Variants in CYFIP2 observed in about 807,000 individuals in gnomAD.
CYFIP2 encodes cytoplasmic FMR1 interacting protein 2.
In CYFIP2, 29 loss-of-function variants were observed where a neutral mutation model predicts 158.7. The ratio of observed to expected loss-of-function variants is 0.18; its 90% CI spans 0.14 to 0.25. The LOEUF (loss-of-function observed/expected upper bound fraction) is 0.25, where lower values mean the gene tolerates loss of function less well. Ranked by LOEUF, CYFIP2 falls within the 10% of genes least tolerant of loss-of-function variation. The probability of loss-of-function intolerance (pLI) is 1.00; values close to 1 mark genes in which losing one functional copy is unlikely to be tolerated. For synonymous variants in CYFIP2, 585 were observed against 617.6 expected (o/e 0.95, Z 0.78); for missense variants, 852 against 1,639.5 (o/e 0.52, Z 8.29).
chr5:157,312,510 G>A (rs907535047), intron 11 of CYFIP2, among the ~76,000 whole-genome samples: 1 of 152,102 alleles, frequency 6.6e-6, no homozygotes, highest in Admixed American at 6.5e-5. Context: ...TGAATATGCT[G>A]TTTGATAAAC....
chr5:157,336,000 G>A (rs1326180287), intron 21 of CYFIP2, among the ~76,000 whole-genome samples: 5 of 152,138 alleles, frequency 3.3e-5, no homozygotes. Context: ...CGAGGGCAGT[G>A]GCTCCCCAGA....
In CYFIP2 at chr5:157,392,934, T is replaced by C; in HGVS notation, c.3696T>C (p.Ser1232=). ...ACATGAAGTCCGTGGAGACAGACAG[T>C]TCCACTGTGGAGCATGTGCGCTGCT... ...NKYMKSVETD[S]STVEHVRCFQ... Residue 1232 remains serine, a synonymous_variant, in exon 31 of 31, where the codon AGT becomes AGC. Coordinates refer to ENST00000620254, the MANE Select transcript of CYFIP2 (RefSeq NM_001037333.3). The C allele has an allele frequency of 6.2e-7, 1 of 1,613,954 alleles. No individual in the cohort carries two copies. The highest frequency in any genetic ancestry group is 8.5e-7 in the Non-Finnish European group (1 of 1,179,876).
At chr5:157,304,616 C>T (rs1759061725) in intron 8 of CYFIP2, 1 of 353,874 alleles carries the variant, frequency 2.8e-6, no homozygotes, top group East Asian at 4.6e-5. Context: ...TGTATTGGAA[C>T]ATTGTCATGT....
rs568901002 is a variant in CYFIP2, at chr5:157,319,676, C to T, written c.1357-86C>T. 7.4e-5 allele frequency: 112 copies of T among 1,517,436 alleles called. 2 individuals carry two copies. The South Asian group carries it at 9.6e-4, about 13-fold the overall frequency. 94.0% of individuals were successfully genotyped at this position (1,517,436 alleles called of 1,614,324 possible). On this transcript the variant is annotated intron_variant, in intron 13 of 30. Transcript: ENST00000620254. ...TCATGCCTCTGGACATCTCACTCCC[C>T]GCCTCCCCTGGCAGGGCGGTGATGG...
chr5:157,319,982 C>A, intron 14 of CYFIP2, 54 bp downstream of exon 14: 1 of 1,585,452 alleles, frequency 6.3e-7, no homozygotes, highest in South Asian at 1.1e-5. Context: ...GCCAGGTACC[C>A]ATCAGAGAGG....
chr5:157,271,268 T>C (rs970960597), intron 1 of CYFIP2: 1 of 152,270 alleles, frequency 6.6e-6, no homozygotes, highest in African/African-American at 2.4e-5. Flanking sequence ...GTCTGCATGA[T>C]CCTTAACACA....
chr5:157,269,098 C>A (rs1755861195), intron 1 of CYFIP2, among the ~76,000 whole-genome samples: 1 of 152,096 alleles, frequency 6.6e-6, no homozygotes, highest in Admixed American at 6.6e-5. Context: ...AGCCCCTCTC[C>A]CTCCAGAGCT....
intron 11 of CYFIP2, among the ~76,000 whole-genome samples, chr5:157,313,925 T>G (rs565629467): frequency 1.3e-5 from 2 of 152,270 alleles, no homozygotes; most frequent in East Asian, 1.9e-4. Context: ...AGAGTAAGAT[T>G]GCTTTGTAAA....
intron 1 of CYFIP2, among the ~76,000 whole-genome samples, chr5:157,283,777 G>A (rs928525565): frequency 1.3e-5 from 2 of 152,158 alleles, no homozygotes; most frequent in Non-Finnish European, 2.9e-5. Context: ...TATTAGTCTC[G>A]GGGCAGCAGG....
intron 1 of CYFIP2, among the ~76,000 whole-genome samples, chr5:157,277,654 T>C (rs1003783194): frequency 3.9e-5 from 6 of 152,230 alleles, no homozygotes; most frequent in African/African-American, 1.4e-4. Context: ...TTATGTTTTA[T>C]TTCATGGGCA....
chr5:157,341,534 G>A (rs1762257850), intron 23 of CYFIP2: 1 of 187,542 alleles, frequency 5.3e-6, no homozygotes, highest in African/African-American at 2.4e-5. Flanking sequence ...CTGGCTGACA[G>A]GGCGAGACTC....
At chr5:157,292,197 T>G (rs559201145) in intron 3 of CYFIP2, among the ~76,000 whole-genome samples, 12 of 140,910 alleles carry the variant, frequency 8.5e-5, no homozygotes, top group Admixed American at 2.2e-4. Context: ...TTCTTTCTTT[T>G]TCTTTTTTCT....
chr5:157,341,977 TC>T (rs1762300358), intron 23 of CYFIP2: 1 of 152,428 alleles, frequency 6.6e-6, no homozygotes, highest in Admixed American at 6.5e-5. Flanking sequence ...AAACAGCACT[TC>T]CCTTTTCGAT....
Position 157,393,193 on chromosome 5 carries a change from TCC to T in CYFIP2, c.*194_*195del. On this transcript the variant is annotated 3_prime_UTR_variant, in exon 31 of 31. Transcript: ENST00000620254. ...CCCATGACATCTCCATGCTGGTTTCTCCATAGCATAAATGAAAAAAAAAAAAA... is the reference window on the plus strand; with the variant it reads ...CCCATGACATCTCCATGCTGGTTTCTATAGCATAAATGAAAAAAAAAAAAA... 1 of 432,876 alleles carries T rather than the reference TCC, an allele frequency of 2.3e-6. No homozygotes were observed. 26.8% of individuals were successfully genotyped at this position (432,876 alleles called of 1,614,324 possible). A position where few individuals can be genotyped will look rare whatever the true frequency, so the allele number is the denominator to read the frequency against.
chr5:157,288,613 T>A (rs1757579759), intron 3 of CYFIP2: 1 of 456,064 alleles, frequency 2.2e-6, no homozygotes, highest in African/African-American at 2.0e-5. Context: ...TCTATACAGA[T>A]ATTTTAGATG....
intron 3 of CYFIP2, 111 bp downstream of exon 3, chr5:157,287,219 C>T (rs889276207): frequency 4.4e-5 from 35 of 792,040 alleles, no homozygotes; most frequent in Non-Finnish European, 6.5e-5. Flanking sequence ...GAACCCCCTG[C>T]CTCAGTCAGA....
At chr5:157,383,990 C>T (rs1024773014) in intron 28 of CYFIP2, among the ~76,000 whole-genome samples, 1 of 152,176 alleles carries the variant, frequency 6.6e-6, no homozygotes. Context: ...ACAACAAAAC[C>T]ATATAAAACT....
intron 3 of CYFIP2, among the ~76,000 whole-genome samples, chr5:157,292,261 C>G (rs1757884055): frequency 6.7e-6 from 1 of 149,816 alleles, no homozygotes; most frequent in Non-Finnish European, 1.5e-5. Context: ...CTCTTATTGC[C>G]CAGGCTGGAG....
At chr5:157,285,703 C>A (rs1028497949) in intron 2 of CYFIP2, among the ~76,000 whole-genome samples, 2 of 152,232 alleles carry the variant, frequency 1.3e-5, no homozygotes, top group African/African-American at 4.8e-5. Context: ...TCTTGTTGAT[C>A]TGCTTTGACC....
Sources: gnomAD v4.1 joint callset for allele counts (sites outside exome capture counted in the v4.1 genomes callset) on GRCh38, gnomAD v4.1.1 for gene constraint, MANE v1.5 for transcripts, NCBI Gene and HGNC (gene_info 2026-07-23, HGNC 2026-07-21) for gene names.